LITAF: variants seen among roughly 807,000 people sequenced by gnomAD.
LITAF encodes lipopolysaccharide induced TNF factor, also known as lipopolysaccharide-induced tumor necrosis factor-alpha factor.
A neutral mutation model predicts 14.5 loss-of-function variants in LITAF; 9 were observed. The observed-to-expected ratio is 0.62, with a 90% CI of 0.37 to 1.08. The LOEUF is 1.08. Ranked by LOEUF, LITAF falls within the 50% of genes least tolerant of loss-of-function variation. LITAF has a pLI of 0.01. For missense variants in LITAF, 206 were observed against 213.4 expected (o/e 0.97, Z 0.22); for synonymous variants, 98 against 88.2 (o/e 1.11, Z -0.62).
At chr16:11,581,612 C>G (rs530242754) in intron 1 of LITAF, among the ~76,000 whole-genome samples, 1 of 152,106 alleles carries the variant, frequency 6.6e-6, no homozygotes, top group South Asian at 2.1e-4. Context: ...GAACAAGGCC[C>G]TATCTCAAAA....
At chr16:11,604,087 T>C (rs2141868903) in intron 3 of LITAF, among the ~76,000 whole-genome samples, 1 of 152,196 alleles carries the variant, frequency 6.6e-6, no homozygotes, top group South Asian at 2.1e-4. Context: ...TCCAGCACTT[T>C]GGGAGGCTGA....
upstream of LITAF, among the ~76,000 whole-genome samples, chr16:11,603,064 T>C (rs1403066102): frequency 6.6e-6 from 1 of 151,960 alleles, no homozygotes; most frequent in Non-Finnish European, 1.5e-5. Context: ...CAGCGAGCTG[T>C]GATCACACCA....
upstream of LITAF, among the ~76,000 whole-genome samples, chr16:11,603,432 G>A (rs2064938716): frequency 6.6e-6 from 1 of 152,168 alleles, no homozygotes; most frequent in Non-Finnish European, 1.5e-5. Flanking sequence ...CTCCCTGGCT[G>A]TCTTCCACGC....
chr16:11,629,186 A>T (rs544674680), intron 3 of LITAF: 83 of 151,388 alleles, frequency 5.5e-4, no homozygotes, highest in African/African-American at 1.9e-3. Flanking sequence ...TCAGATGAGG[A>T]AGGCTCAGAA....
In LITAF at chr16:11,586,022, A is replaced by G. The variant is rs565708450; in HGVS notation, c.-6+864T>C. On this transcript the variant is annotated intron_variant, in intron 1 of 3. Transcript: ENST00000622633. This position sits in a 1 kb window ranked among gnomAD's most constrained non-coding sequence, Gnocchi z 6.5. ...GACCCCGAAGAGCTTCGGGCACACC[A>G]CCAACTGACCACCTATCCACAGTGA... 1 of 152,650 alleles carries G rather than the reference A, an allele frequency of 6.6e-6. No homozygotes were observed. The highest frequency in any genetic ancestry group is 2.4e-5 in the African/African-American group (1 of 41,534). 9.5% of individuals were successfully genotyped at this position (152,650 alleles called of 1,614,324 possible).
chr16:11,639,519 G>A (rs1376199624), upstream of LITAF, among the ~76,000 whole-genome samples: 2 of 151,834 alleles, frequency 1.3e-5, no homozygotes, highest in Admixed American at 6.6e-5. Flanking sequence ...AGGACAAAAT[G>A]TTATCTGGGT....
At chr16:11,614,791 T>C (rs150384617) in intron 3 of LITAF, among the ~76,000 whole-genome samples, 7 of 152,336 alleles carry the variant, frequency 4.6e-5, no homozygotes, top group East Asian at 1.9e-4. Flanking sequence ...GTTACAAATA[T>C]CTTCTTACTT....
chr16:11,638,119 TAG>T (rs1567271214), upstream of LITAF, among the ~76,000 whole-genome samples: 2 of 143,180 alleles, frequency 1.4e-5, no homozygotes, highest in Non-Finnish European at 3.0e-5. Context: ...TCTATCTATA[TAG>T]ATAGATAGAT....
intron 1 of LITAF, among the ~76,000 whole-genome samples, chr16:11,569,378 T>A (rs1180958688): frequency 6.6e-6 from 1 of 152,128 alleles, no homozygotes; most frequent in East Asian, 1.9e-4. Flanking sequence ...GTACCTGGGA[T>A]TACAGGCACA....
intron 1 of LITAF, among the ~76,000 whole-genome samples, chr16:11,567,813 G>A (rs115421751): frequency 0.016 from 2,419 of 152,132 alleles, 73 homozygotes; most frequent in African/African-American, 0.055. Flanking sequence ...GGTGAAACCC[G>A]GCTCTAATAA....
chr16:11,579,395 G>A (rs1385228072), intron 1 of LITAF, among the ~76,000 whole-genome samples: 1 of 151,800 alleles, frequency 6.6e-6, no homozygotes, highest in Non-Finnish European at 1.5e-5. Context: ...AGCTTGCAGT[G>A]AGCCGAGATT....
intron 1 of LITAF, chr16:11,575,332 A>G (rs1261665750): frequency 6.6e-6 from 1 of 152,032 alleles, no homozygotes; most frequent in African/African-American, 2.4e-5. Flanking sequence ...CCTAGGAGCG[A>G]GTGGAGGATC....
upstream of LITAF, among the ~76,000 whole-genome samples, chr16:11,639,649 G>C (rs1274518440): frequency 6.6e-6 from 1 of 151,986 alleles, no homozygotes; most frequent in Non-Finnish European, 1.5e-5. Context: ...GAATGAAACA[G>C]AGAGAAAAGG....
chr16:11,565,491 T>C (rs564043488), intron 1 of LITAF, among the ~76,000 whole-genome samples: 2 of 152,076 alleles, frequency 1.3e-5, no homozygotes, highest in South Asian at 4.2e-4. Context: ...GCTGGAAATC[T>C]CTAATCTTAC....
intron 1 of LITAF, among the ~76,000 whole-genome samples, chr16:11,577,290 A>G (rs1373559367): frequency 1.3e-5 from 2 of 150,218 alleles, no homozygotes; most frequent in Non-Finnish European, 3.0e-5. Flanking sequence ...CAGGGTATCT[A>G]TGGCATCAGC....
chr16:11,568,624 T>C (rs2064493291), intron 1 of LITAF, among the ~76,000 whole-genome samples: 1 of 151,048 alleles, frequency 6.6e-6, no homozygotes, highest in African/African-American at 2.4e-5. Flanking sequence ...TGCTACCGTG[T>C]AAGTGCTCCA....
rs562847393 is a variant in LITAF, at chr16:11,582,495, C to T, written c.-6+4391G>A. ...GATAAAGCGGCTTTTTAACTACCAACTTAATCCTCGAAGATCGATTCTTCC... is the reference window on the plus strand; with the variant it reads ...GATAAAGCGGCTTTTTAACTACCAATTTAATCCTCGAAGATCGATTCTTCC... On this transcript the variant is annotated intron_variant, in intron 1 of 3. Coordinates refer to ENST00000622633, the MANE Select transcript of LITAF (RefSeq NM_001136472.2). Among the ~76,000 whole-genome samples, 8 of 152,246 alleles carry T rather than the reference C, an allele frequency of 5.3e-5. No individual in the cohort carries two copies. In the South Asian group the frequency reaches 1.7e-3, roughly 32 times the overall value.
At position 11,548,663 on chromosome 16, in the gene LITAF, T is replaced by A. The variant is rs1567232332; in HGVS notation, c.*974A>T. On this transcript the variant is annotated 3_prime_UTR_variant, in exon 4 of 4. Coordinates refer to ENST00000622633, the MANE Select transcript of LITAF (RefSeq NM_001136472.2). Reference sequence around the variant, plus strand: ...CAATCATTTGATTACAGAAAATGGTTTTATAAATCCTCCTCTTGAAATTAT... The same window carrying A: ...CAATCATTTGATTACAGAAAATGGTATTATAAATCCTCCTCTTGAAATTAT... 1 of 453,800 alleles carries A rather than the reference T, an allele frequency of 2.2e-6. No homozygotes were observed. Among genetic ancestry groups the A allele is most frequent in the Non-Finnish European group, 4.4e-6 (1 of 226,722 alleles). 28.1% of individuals were successfully genotyped at this position (453,800 alleles called of 1,614,324 possible). A position where few individuals can be genotyped will look rare whatever the true frequency, so the allele number is the denominator to read the frequency against.
At position 11,573,394 on chromosome 16, in the gene LITAF, C is replaced by T. The variant is rs78695132; in HGVS notation, c.-6+13492G>A. Among the ~76,000 whole-genome samples, 327 of 152,320 alleles carry T rather than the reference C, an allele frequency of 2.1e-3. 3 individuals are homozygous for T. Among genetic ancestry groups the T allele is most frequent in the African/African-American group, 7.4e-3 (308 of 41,574 alleles). ...AACAGAAACGGCCAACCAAATTTAA[C>T]ATGAACAAGTCCAGCAACTCTTCCT... On this transcript the variant is annotated intron_variant, in intron 1 of 3. Transcript: ENST00000622633.
Sources: gnomAD v4.1 joint callset for allele counts (sites outside exome capture counted in the v4.1 genomes callset) on GRCh38, gnomAD v4.1.1 for gene constraint, Gnocchi (gnomAD v3.1) non-coding constraint, MANE v1.5 for transcripts, NCBI Gene and HGNC (gene_info 2026-07-23, HGNC 2026-07-21) for gene names.